Variants in MND1 observed in about 807,000 individuals in gnomAD.
The protein encoded by MND1 is meiotic nuclear divisions 1.
MND1 carries 28 observed loss-of-function variants against 35.1 expected under a neutral mutation model. That is an observed-to-expected ratio of 0.80 (90% CI 0.59 to 1.09). The LOEUF (loss-of-function observed/expected upper bound fraction) is 1.09, where lower values mean the gene tolerates loss of function less well. Ranked by LOEUF, MND1 falls within the 50% of genes least tolerant of loss-of-function variation. The probability of loss-of-function intolerance (pLI) is 0.00; values close to 1 mark genes in which losing one functional copy is unlikely to be tolerated. For missense variants in MND1, 213 were observed against 239.6 expected, an observed-to-expected ratio of 0.89 and a Z score of 0.73; for synonymous variants, 69 against 70.5, an observed-to-expected ratio of 0.98 and a Z score of 0.11.
chr4:153,365,585 G>A (rs1773617352), intron 4 of MND1, among the ~76,000 whole-genome samples: 1 of 152,012 alleles, frequency 6.6e-6, no homozygotes, highest in South Asian at 2.1e-4. Flanking sequence ...GAAGGCCTCA[G>A]AAAAGAGAGG....
intron 4 of MND1, among the ~76,000 whole-genome samples, chr4:153,386,877 GAAAT>G (rs1436352309): frequency 7.9e-5 from 12 of 152,262 alleles, no homozygotes; most frequent in African/African-American, 2.9e-4. Flanking sequence ...GTAAAGCAAA[GAAAT>G]AAGACAAGAA....
intron 4 of MND1, among the ~76,000 whole-genome samples, chr4:153,384,324 G>A (rs1487057019): frequency 1.6e-5 from 2 of 127,354 alleles, no homozygotes; most frequent in Admixed American, 8.9e-5. Context: ...AGGCTGGAGT[G>A]TAGTGGTGCA....
At chr4:153,385,808 T>C (rs936099723) in intron 4 of MND1, among the ~76,000 whole-genome samples, 1 of 152,080 alleles carries the variant, frequency 6.6e-6, no homozygotes. Context: ...TTATCTTGGC[T>C]TTGCCTTTTG....
At chr4:153,361,844 A>G (rs1054414600) in intron 4 of MND1, among the ~76,000 whole-genome samples, 26 of 87,802 alleles carry the variant, frequency 3.0e-4, no homozygotes, top group Admixed American at 2.9e-3. Flanking sequence ...AAAAAAAGAA[A>G]AAAAAAAGAA....
intron 6 of MND1, among the ~76,000 whole-genome samples, chr4:153,408,196 C>G (rs748608648): frequency 1.5e-4 from 23 of 152,102 alleles, no homozygotes; most frequent in African/African-American, 3.9e-4. Context: ...CTTAAGCCCG[C>G]CAGTTTGAGG....
intron 6 of MND1, among the ~76,000 whole-genome samples, chr4:153,398,137 G>A (rs1729250708): frequency 6.6e-6 from 1 of 152,024 alleles, no homozygotes; most frequent in Admixed American, 6.6e-5. Flanking sequence ...AGAGTCCCCA[G>A]AGCCTTGTTT....
intron 4 of MND1, among the ~76,000 whole-genome samples, chr4:153,391,428 A>T (rs926396953): frequency 6.6e-6 from 1 of 151,872 alleles, no homozygotes; most frequent in Non-Finnish European, 1.5e-5. Flanking sequence ...ACTCTTTTTT[A>T]AAAGAACTAG....
intron 4 of MND1, among the ~76,000 whole-genome samples, chr4:153,378,644 C>T (rs1318973120): frequency 1.3e-5 from 2 of 152,218 alleles, no homozygotes; most frequent in South Asian, 2.1e-4. Flanking sequence ...AGACTATTTA[C>T]TGTCCTAGAC....
intron 6 of MND1, among the ~76,000 whole-genome samples, chr4:153,408,344 A>C (rs941522879): frequency 6.6e-6 from 1 of 152,230 alleles, no homozygotes; most frequent in South Asian, 2.1e-4. Flanking sequence ...CATATAAATT[A>C]TCTTTCAATT....
intron 4 of MND1, among the ~76,000 whole-genome samples, chr4:153,375,442 G>A (rs959554963): frequency 2.0e-5 from 3 of 152,052 alleles, no homozygotes; most frequent in Non-Finnish European, 4.4e-5. Context: ...TCAAATCCAG[G>A]CATTCTTACT....
chr4:153,347,158 A>G lies in MND1; in HGVS notation c.3+2418A>G, dbSNP rs186162899. ...TGTATGGCAGTTTAGGACCTATTGGACTAGAAAAATATGTTGAAGGAGTCT... is the reference window on the plus strand; with the variant it reads ...TGTATGGCAGTTTAGGACCTATTGGGCTAGAAAAATATGTTGAAGGAGTCT... On this transcript the variant is annotated intron_variant, in intron 1 of 7. Coordinates refer to ENST00000240488, the MANE Select transcript of MND1 (RefSeq NM_032117.4). Among the ~76,000 whole-genome samples the G allele has an allele frequency of 1.0e-3, 158 of 152,268 alleles. 1 individual carries two copies. The Middle Eastern group carries it at 0.024, about 23-fold the overall frequency.
intron 1 of MND1, among the ~76,000 whole-genome samples, chr4:153,349,529 T>C (rs1773160815): frequency 6.6e-6 from 1 of 152,124 alleles, no homozygotes; most frequent in African/African-American, 2.4e-5. Flanking sequence ...ACAATAACTG[T>C]CCCCCACTGC....
intron 4 of MND1, among the ~76,000 whole-genome samples, chr4:153,370,010 G>T (rs1403038733): frequency 6.6e-6 from 1 of 151,990 alleles, no homozygotes; most frequent in African/African-American, 2.4e-5. Flanking sequence ...GACCAGGCTC[G>T]GTGGCTCAGT....
chr4:153,412,075 A>G (rs1223201257), intron 7 of MND1, among the ~76,000 whole-genome samples: 1 of 152,228 alleles, frequency 6.6e-6, no homozygotes, highest in Non-Finnish European at 1.5e-5. Context: ...TAGGAAAAGT[A>G]AAGATTCATT....
Position 153,414,800 on chromosome 4 carries a change from A to G in MND1, c.561A>G (p.Glu187=). 1.9e-6 allele frequency: 3 copies of G among 1,561,990 alleles called. No individual in the cohort carries two copies. Among genetic ancestry groups the G allele is most frequent in the Non-Finnish European group, 2.6e-6 (3 of 1,149,170 alleles). The change falls in exon 8 of 8, where the codon GAA becomes GAG. Residue 187 remains glutamate, a synonymous_variant. Coordinates refer to ENST00000240488, the MANE Select transcript of MND1 (RefSeq NM_032117.4). ...KSWAKRKFGF[E]ENKIDRTFGI... ...GGGCCAAAAGAAAATTTGGGTTTGA[A>G]GAAAATAAAATTGATAGAACTTTTG...
At chr4:153,409,569 C>A (rs891110167) in intron 7 of MND1, among the ~76,000 whole-genome samples, 5 of 152,234 alleles carry the variant, frequency 3.3e-5, no homozygotes, top group African/African-American at 1.2e-4. Context: ...GAATTATAAT[C>A]CAACTTTTCT....
chr4:153,367,610 C>G (rs1773687619), intron 4 of MND1, among the ~76,000 whole-genome samples: 1 of 152,100 alleles, frequency 6.6e-6, no homozygotes, highest in African/African-American at 2.4e-5. Flanking sequence ...TGAGTTTTTT[C>G]CACTTTTTGA....
At chr4:153,373,466 G>A (rs1314749218) in intron 4 of MND1, among the ~76,000 whole-genome samples, 2 of 152,122 alleles carry the variant, frequency 1.3e-5, no homozygotes, top group Non-Finnish European at 2.9e-5. Flanking sequence ...TTTCTACTTA[G>A]AAAGTGGGGA....
Position 153,387,688 on chromosome 4 carries a change from C to G in MND1, c.277-6574C>G, listed in dbSNP as rs188631043. ...GGCTGAGGCGGGAAGATTGCTTGAGCCTGGGAGATCATGATCACACCACTA... is the reference window on the plus strand; with the variant it reads ...GGCTGAGGCGGGAAGATTGCTTGAGGCTGGGAGATCATGATCACACCACTA... On this transcript the variant is annotated intron_variant, in intron 4 of 7. Coordinates refer to ENST00000240488, the MANE Select transcript of MND1 (RefSeq NM_032117.4). Among the ~76,000 whole-genome samples the G allele has an allele frequency of 3.3e-4, 50 of 152,130 alleles. No homozygotes were observed. The South Asian group carries it at 4.2e-3, about 13-fold the overall frequency.
Sources: gnomAD v4.1 joint callset for allele counts (sites outside exome capture counted in the v4.1 genomes callset) on GRCh38, gnomAD v4.1.1 for gene constraint, MANE v1.5 for transcripts, NCBI Gene and HGNC (gene_info 2026-07-23, HGNC 2026-07-21) for gene names.